PARD3B: variants seen among roughly 807,000 people sequenced by gnomAD.
PARD3B encodes the protein par-3 family cell polarity regulator beta.
A neutral mutation model predicts 130.2 loss-of-function variants in PARD3B; 103 were observed. That is an observed-to-expected ratio of 0.79 (90% CI 0.67 to 0.93). PARD3B has a LOEUF of 0.93. Ranked by LOEUF, PARD3B falls within the 40% of genes least tolerant of loss-of-function variation. The probability of loss-of-function intolerance (pLI) is 0.00; values close to 1 mark genes in which losing one functional copy is unlikely to be tolerated. For missense variants in PARD3B, 1,609 were observed against 1,499.2 expected, an observed-to-expected ratio of 1.07 and a Z score of -1.21; for synonymous variants, 583 against 553.2, an observed-to-expected ratio of 1.05 and a Z score of -0.76.
intron 11 of PARD3B, among the ~76,000 whole-genome samples, chr2:205,166,662 G>A (rs10175636): frequency 0.36 from 53,972 of 151,880 alleles, 9,844 homozygotes; most frequent in Middle Eastern, 0.5. Flanking sequence ...TTTTTGGGGG[G>A]TTTGATTTGT....
intron 2 of PARD3B, among the ~76,000 whole-genome samples, chr2:204,721,161 C>G (rs1386853566): frequency 1.3e-5 from 2 of 152,004 alleles, no homozygotes; most frequent in East Asian, 3.9e-4. Flanking sequence ...GGTTTTATTA[C>G]CAAAAAGAAG....
chr2:204,810,685 T>C lies in PARD3B; in HGVS notation c.222+124403T>C, dbSNP rs1485608459. On this transcript the variant is annotated intron_variant, in intron 2 of 22. Transcript: ENST00000406610. ...ACTTGATCTTGGTGGATTAGCTTTT[T>C]GATGTGTTGCTGGGTTCAGTTTGCC... 2.0e-5 allele frequency among the ~76,000 whole-genome samples: 3 copies of C among 152,194 alleles called. No homozygotes were observed. In the East Asian group the frequency reaches 5.8e-4, roughly 29 times the overall value.
At position 205,121,993 on chromosome 2, in the gene PARD3B, T is replaced by C. The variant is rs751972355; in HGVS notation, c.1165+44T>C. The C allele has an allele frequency of 4.7e-6, 7 of 1,486,010 alleles. No individual in the cohort carries two copies. The highest frequency in any genetic ancestry group is 2.5e-5 in the South Asian group (2 of 79,580). The allele number at this position is 1,486,010 out of a possible 1,614,324, so 92.1% of individuals were successfully genotyped here. A position where few individuals can be genotyped will look rare whatever the true frequency, so the allele number is the denominator to read the frequency against. On this transcript the variant is annotated intron_variant, in intron 8 of 22. Transcript: ENST00000406610. This position sits in a 1 kb window ranked among gnomAD's most constrained non-coding sequence, Gnocchi z 5.0. ...CTAATAGCATTCTATTATTGTAACA[T>C]GTAAAATTGGTTAAGAGAAATGCAT...
In PARD3B at chr2:205,011,542, C is replaced by T. The variant is rs1057134625; in HGVS notation, c.395-36039C>T. Among the ~76,000 whole-genome samples the T allele has an allele frequency of 2.0e-5, 3 of 152,310 alleles. No homozygotes were observed. The highest frequency in any genetic ancestry group is 4.4e-5 in the Non-Finnish European group (3 of 68,030). ...CTTCTTTCTGTCATATTTTATTCAT[C>T]GCACAGACCAACCTTGGTGCACTGT... On this transcript the variant is annotated intron_variant, in intron 3 of 22. Transcript: ENST00000406610. The surrounding 1 kb of genome is among the most constrained non-coding windows in gnomAD (Gnocchi z 4.1).
chr2:205,043,068 A>G (rs1425862179), intron 3 of PARD3B, among the ~76,000 whole-genome samples: 1 of 151,868 alleles, frequency 6.6e-6, no homozygotes, highest in Non-Finnish European at 1.5e-5. Context: ...TAATTAGCTG[A>G]AAAAAAACTA....
chr2:205,055,987 G>A (rs961229160), intron 4 of PARD3B, among the ~76,000 whole-genome samples: 1 of 152,050 alleles, frequency 6.6e-6, no homozygotes, highest in African/African-American at 2.4e-5. Flanking sequence ...TCATGTTATC[G>A]TAAAGTGAAA....
intron 2 of PARD3B, among the ~76,000 whole-genome samples, chr2:204,767,147 C>G (rs542482388): frequency 6.2e-5 from 4 of 64,956 alleles, no homozygotes; most frequent in Non-Finnish European, 1.2e-4. Flanking sequence ...TATCCCTCCC[C>G]CCTCCCCCGA....
At chr2:204,792,222 T>C (rs557240290) in intron 2 of PARD3B, among the ~76,000 whole-genome samples, 1 of 152,338 alleles carries the variant, frequency 6.6e-6, no homozygotes, top group South Asian at 2.1e-4. Flanking sequence ...ATTAGACTTT[T>C]GATTGGTTAT....
intron 15 of PARD3B, among the ~76,000 whole-genome samples, chr2:205,206,191 A>C (rs2037288846): frequency 6.6e-6 from 1 of 150,506 alleles, no homozygotes; most frequent in Non-Finnish European, 1.5e-5. Flanking sequence ...TATTTAAATG[A>C]AATTCTGTGT....
intron 2 of PARD3B, among the ~76,000 whole-genome samples, chr2:204,760,200 TAGTG>T (rs1209011109): frequency 1.3e-5 from 2 of 152,108 alleles, no homozygotes; most frequent in East Asian, 3.8e-4. Context: ...TTTTTCACCT[TAGTG>T]GGTTGTAACA....
Position 204,837,061 on chromosome 2 carries a change from G to A in PARD3B, c.223-128091G>A, listed in dbSNP as rs949128397. ...ATACCCAATGAGATAGTTCACCTTC[G>A]GTAACATGAGGCGTTTAATTAACAT... On this transcript the variant is annotated intron_variant, in intron 2 of 22. Coordinates refer to ENST00000406610, the MANE Select transcript of PARD3B (RefSeq NM_001302769.2). 3.5e-4 allele frequency among the ~76,000 whole-genome samples: 53 copies of A among 152,168 alleles called. 1 individual carries two copies. The highest frequency in any genetic ancestry group is 3.1e-4 in the Non-Finnish European group (21 of 68,012).
At chr2:204,858,838 A>G (rs2045066100) in intron 2 of PARD3B, among the ~76,000 whole-genome samples, 2 of 149,528 alleles carry the variant, frequency 1.3e-5, no homozygotes, top group African/African-American at 4.9e-5. Flanking sequence ...TATACCTTCA[A>G]TATATACAAT....
Position 205,157,580 on chromosome 2 carries a change from T to A in PARD3B, c.1435-1142T>A, listed in dbSNP as rs2034255714. The stretch of plus-strand genomic sequence containing the variant: ...GTTTTAATTATGGGTTCTTTGCTAC[T>A]TCTGATTTTATAGTTATATGTGACT... On this transcript the variant is annotated intron_variant, in intron 10 of 22. Coordinates refer to ENST00000406610, the MANE Select transcript of PARD3B (RefSeq NM_001302769.2). Among the ~76,000 whole-genome samples, 5 of 152,332 alleles carry A rather than the reference T, an allele frequency of 3.3e-5. No individual in the cohort carries two copies. In the South Asian group the frequency reaches 8.3e-4, roughly 25 times the overall value.
At chr2:205,546,253 T>G (rs971735923) in intron 21 of PARD3B, among the ~76,000 whole-genome samples, 2 of 152,182 alleles carry the variant, frequency 1.3e-5, no homozygotes, top group African/African-American at 4.8e-5. Context: ...TCTCTGAAGT[T>G]TCACTTCCTG....
chr2:205,369,120 G>T (rs960980444), intron 18 of PARD3B, among the ~76,000 whole-genome samples: 2 of 152,180 alleles, frequency 1.3e-5, no homozygotes, highest in African/African-American at 2.4e-5. Flanking sequence ...AAGAGAAATT[G>T]GGTGCCTTAA....
chr2:205,177,765 G>GT (rs1400333346), intron 13 of PARD3B, among the ~76,000 whole-genome samples: 1 of 152,142 alleles, frequency 6.6e-6, no homozygotes, highest in Admixed American at 6.5e-5. Context: ...TTTACTGTCT[G>GT]TTAGATACTG....
intron 15 of PARD3B, among the ~76,000 whole-genome samples, chr2:205,224,411 AAG>A (rs1381731738): frequency 6.6e-5 from 10 of 150,562 alleles, no homozygotes; most frequent in South Asian, 2.1e-4. Context: ...GAAAAAGAAA[AAG>A]AAAAAAAAAG....
intron 20 of PARD3B, among the ~76,000 whole-genome samples, chr2:205,462,812 G>C (rs148761908): frequency 6.6e-6 from 1 of 152,308 alleles, no homozygotes; most frequent in African/African-American, 2.4e-5. Flanking sequence ...ATTGATTGCA[G>C]ACTCTTAGTC....
chr2:205,067,879 G>A (rs562010235), intron 4 of PARD3B, among the ~76,000 whole-genome samples: 1 of 152,180 alleles, frequency 6.6e-6, no homozygotes, highest in African/African-American at 2.4e-5. Flanking sequence ...TGGCCATGAT[G>A]CATTCTGTTT....
Sources: gnomAD v4.1 joint callset for allele counts (sites outside exome capture counted in the v4.1 genomes callset) on GRCh38, gnomAD v4.1.1 for gene constraint, Gnocchi (gnomAD v3.1) non-coding constraint, MANE v1.5 for transcripts, NCBI Gene and HGNC (gene_info 2026-07-23, HGNC 2026-07-21) for gene names.